FAM171A1: variants seen among roughly 807,000 people sequenced by gnomAD.
FAM171A1 encodes family with sequence similarity 171 member A1.
In FAM171A1, 23 loss-of-function variants were observed where a neutral mutation model predicts 74.9. The observed-to-expected ratio is 0.31, with a 90% CI of 0.22 to 0.44. The LOEUF is 0.44. FAM171A1 is among the 20% of genes least tolerant of loss of function. The pLI is 1.00. For synonymous variants in FAM171A1, 527 were observed against 505.7 expected, an observed-to-expected ratio of 1.04 and a Z score of -0.57; for missense variants, 1,162 against 1,159.2, an observed-to-expected ratio of 1.00 and a Z score of -0.03.
At chr10:15,298,778 T>C in intron 1 of FAM171A1, among the ~76,000 whole-genome samples, 1 of 152,164 alleles carries the variant, frequency 6.6e-6, no homozygotes, top group East Asian at 1.9e-4. Context: ...AAAATGCATT[T>C]ACTGAGCTTC....
At position 15,254,736 on chromosome 10, in the gene FAM171A1, C is replaced by T; in HGVS notation, c.562G>A (p.Asp188Asn). The change falls in exon 4 of 8, where the codon GAC (aspartate) becomes AAC (asparagine). Residue 188 changes from aspartate to asparagine, a missense_variant. By Grantham distance (23) the Asp-to-Asn change is conservative. Coordinates refer to ENST00000378116, the MANE Select transcript of FAM171A1 (RefSeq NM_001010924.2). ...CTCCAATTACCTGTTCCATTTCCGT[C>T]TAATCCTCGCAAATAAGGAAAACTG... ...VDSFPYLRGL[D>N]GNGTGNSTRH... 1.2e-6 allele frequency: 2 copies of T among 1,614,136 alleles called. No individual in the cohort carries two copies. Among genetic ancestry groups the T allele is most frequent in the Non-Finnish European group, 1.7e-6 (2 of 1,179,968 alleles).
intron 5 of FAM171A1, among the ~76,000 whole-genome samples, chr10:15,229,816 C>T (rs796979385): frequency 5.2e-4 from 4 of 7,650 alleles, no homozygotes; most frequent in African/African-American, 2.1e-3. Context: ...ATCACCACCA[C>T]CATCACCATC....
At chr10:15,374,347 T>G (rs970221889), upstream of FAM171A1, among the ~76,000 whole-genome samples, 1 of 152,160 alleles carries the variant, frequency 6.6e-6, no homozygotes, top group Non-Finnish European at 1.5e-5. Flanking sequence ...GAGTATTATC[T>G]CATCACCCGG....
intron 1 of FAM171A1, among the ~76,000 whole-genome samples, chr10:15,345,998 C>G (rs1231735809): frequency 6.6e-6 from 1 of 152,124 alleles, no homozygotes; most frequent in Non-Finnish European, 1.5e-5. Context: ...GGCATGAGTT[C>G]CCCTTAAGCA....
chr10:15,346,954 G>T (rs1488563616), intron 1 of FAM171A1, among the ~76,000 whole-genome samples: 1 of 152,204 alleles, frequency 6.6e-6, no homozygotes, highest in East Asian at 1.9e-4. Flanking sequence ...AGGGGTAGCT[G>T]GCAGAGCTGG....
At chr10:15,351,923 C>T (rs1407603957) in intron 1 of FAM171A1, among the ~76,000 whole-genome samples, 2 of 151,982 alleles carry the variant, frequency 1.3e-5, no homozygotes, top group African/African-American at 2.4e-5. Context: ...TGCGGTGGCT[C>T]ATGCCTGTAA....
chr10:15,296,584 C>G (rs1366589883), intron 1 of FAM171A1, among the ~76,000 whole-genome samples: 1 of 152,194 alleles, frequency 6.6e-6, no homozygotes, highest in Non-Finnish European at 1.5e-5. Context: ...AGGCATACTT[C>G]AGAGAGACGA....
rs1833934215 is a variant in FAM171A1, at chr10:15,214,142, A to G, written c.1446T>C (p.Asn482=). 2 of 1,614,100 alleles carry G rather than the reference A, an allele frequency of 1.2e-6. No individual in the cohort carries two copies. Among genetic ancestry groups the G allele is most frequent in the East Asian group, 2.2e-5 (1 of 44,872 alleles). Reference sequence around the variant, plus strand: ...TGTTGTAACTACCCCTGTAGTCATCATTGCCCGAGGACTCGTAGCCTTCTC... The same window carrying G: ...TGTTGTAACTACCCCTGTAGTCATCGTTGCCCGAGGACTCGTAGCCTTCTC... ...MEREGYESSG[N]DDYRGSYNTV... Residue 482 remains asparagine, a synonymous_variant, in exon 8 of 8, where the codon AAT becomes AAC. Transcript: ENST00000378116.
chr10:15,241,974 A>G (rs1834369581), intron 5 of FAM171A1, among the ~76,000 whole-genome samples: 1 of 150,918 alleles, frequency 6.6e-6, no homozygotes, highest in African/African-American at 2.4e-5. Flanking sequence ...CCCAATTTAG[A>G]TGAAAAATTA....
intron 1 of FAM171A1, among the ~76,000 whole-genome samples, chr10:15,327,685 C>A (rs78399798): frequency 6.6e-6 from 1 of 151,912 alleles, no homozygotes; most frequent in Non-Finnish European, 1.5e-5. Flanking sequence ...ATGATAAATG[C>A]CACATGTTCT....
intron 1 of FAM171A1, among the ~76,000 whole-genome samples, chr10:15,295,913 C>T (rs1472738793): frequency 6.6e-6 from 1 of 152,202 alleles, no homozygotes; most frequent in Non-Finnish European, 1.5e-5. Context: ...AAATAGAACA[C>T]CAGAAAACTG....
chr10:15,314,370 G>T (rs1016183211), intron 1 of FAM171A1, among the ~76,000 whole-genome samples: 2 of 152,196 alleles, frequency 1.3e-5, no homozygotes, highest in African/African-American at 4.8e-5. Flanking sequence ...CCAGGCACTT[G>T]CAGAGTTTAA....
At chr10:15,286,227 T>C (rs1170066932) in intron 1 of FAM171A1, among the ~76,000 whole-genome samples, 1 of 152,016 alleles carries the variant, frequency 6.6e-6, no homozygotes, top group Non-Finnish European at 1.5e-5. Flanking sequence ...AAAGAAGAAA[T>C]ATATAAAACA....
chr10:15,251,340 T>G (rs984587613), intron 4 of FAM171A1, among the ~76,000 whole-genome samples: 1 of 152,134 alleles, frequency 6.6e-6, no homozygotes, highest in Non-Finnish European at 1.5e-5. Flanking sequence ...ATTAAATGCC[T>G]GCTTCTCTAT....
At chr10:15,314,049 G>A (rs1265951500) in intron 1 of FAM171A1, among the ~76,000 whole-genome samples, 1 of 152,212 alleles carries the variant, frequency 6.6e-6, no homozygotes, top group Admixed American at 6.5e-5. Context: ...GATATTTCCT[G>A]TTGACACTGT....
intron 3 of FAM171A1, among the ~76,000 whole-genome samples, chr10:15,263,044 C>T (rs1195598782): frequency 3.9e-5 from 6 of 152,112 alleles, no homozygotes; most frequent in South Asian, 2.1e-4. Flanking sequence ...AGCAGCTGCC[C>T]GGGGAACAGG....
At chr10:15,328,724 G>A (rs1403113290) in intron 1 of FAM171A1, among the ~76,000 whole-genome samples, 1 of 151,968 alleles carries the variant, frequency 6.6e-6, no homozygotes, top group Non-Finnish European at 1.5e-5. Context: ...GTCTAGCCTT[G>A]GGGATCTGGC....
chr10:15,312,497 C>CTCGGGGGG (rs1289215488), intron 1 of FAM171A1, among the ~76,000 whole-genome samples: 1 of 151,812 alleles, frequency 6.6e-6, no homozygotes, highest in Admixed American at 6.6e-5. Context: ...ATGCACGAGT[C>CTCGGGGGG]TCGGGGGGCT....
chr10:15,273,714 G>A (rs547206369), intron 3 of FAM171A1, among the ~76,000 whole-genome samples: 1 of 152,308 alleles, frequency 6.6e-6, no homozygotes, highest in Admixed American at 6.5e-5. Flanking sequence ...TCTCTGGGAT[G>A]CAAGACTGGT....
Sources: allele counts gnomAD v4.1 joint callset (sites outside exome capture counted in the v4.1 genomes callset), GRCh38; gene constraint gnomAD v4.1.1; transcripts MANE v1.5; gene names NCBI Gene and HGNC (gene_info 2026-07-23, HGNC 2026-07-21).